The following EIF4G3 variants were observed in gnomAD, a reference collection of about 807,000 sequenced individuals.
EIF4G3 encodes the protein eukaryotic translation initiation factor 4 gamma 3.
Under a neutral mutation model 186.4 loss-of-function variants are expected in EIF4G3, and 34 were observed. That is an observed-to-expected ratio of 0.18 (90% confidence interval 0.14 to 0.24). The LOEUF is 0.24. Among genes scored for constraint, EIF4G3 ranks in the 10% least tolerant of loss-of-function variants. EIF4G3 has a pLI of 1.00. For missense variants in EIF4G3, 1,536 were observed against 1,948.5 expected, an observed-to-expected ratio of 0.79 and a Z score of 3.99; for synonymous variants, 673 against 679.5, an observed-to-expected ratio of 0.99 and a Z score of 0.15.
chr1:21,176,224 G>A lies in EIF4G3; in HGVS notation c.-321C>T. 4.8e-6 allele frequency: 2 copies of A among 419,298 alleles called. No homozygotes were observed. Among genetic ancestry groups the A allele is most frequent in the Non-Finnish European group, 4.1e-6 (1 of 242,102 alleles). 26.0% of individuals were successfully genotyped at this position (419,298 alleles called of 1,614,324 possible). A position where few individuals can be genotyped will look rare whatever the true frequency, so the allele number is the denominator to read the frequency against. Reference sequence around the variant, plus strand: ...GCCCTGATGTTCGGGTGAGGAGGGGGGACCGCTGCCGCCGCCGCCGCCGCC... The same window carrying A: ...GCCCTGATGTTCGGGTGAGGAGGGGAGACCGCTGCCGCCGCCGCCGCCGCC... On this transcript the variant is annotated 5_prime_UTR_variant, in exon 2 of 37. Coordinates refer to ENST00000602326, the MANE Select transcript of EIF4G3 (RefSeq NM_001391906.1).
chr1:21,169,681 C>T (rs1275953063), intron 2 of EIF4G3: 3 of 152,138 alleles, frequency 2.0e-5, no homozygotes, highest in Non-Finnish European at 4.4e-5. Flanking sequence ...ACAACTCAGG[C>T]ACTTCAGATG....
chr1:21,156,693 TC>T (rs1209605167), intron 2 of EIF4G3, among the ~76,000 whole-genome samples: 1 of 152,198 alleles, frequency 6.6e-6, no homozygotes, highest in Admixed American at 6.5e-5. Flanking sequence ...CTATTTTTCT[TC>T]CTTTATGATA....
intron 14 of EIF4G3, among the ~76,000 whole-genome samples, chr1:20,935,408 A>T (rs1045135771): frequency 6.6e-6 from 1 of 152,238 alleles, no homozygotes. Flanking sequence ...TAATACAGTA[A>T]TAGAAAATGA....
intron 25 of EIF4G3, 53 bp downstream of exon 25, chr1:20,857,350 A>C: frequency 7.4e-7 from 1 of 1,357,810 alleles, no homozygotes; most frequent in Non-Finnish European, 1.1e-6. Context: ...GTGTGTTTTA[A>C]TATCAAAGGC....
intron 2 of EIF4G3, among the ~76,000 whole-genome samples, chr1:21,147,194 G>A (rs982677233): frequency 7.9e-5 from 12 of 151,644 alleles, no homozygotes; most frequent in South Asian, 6.3e-4. Context: ...CCCGGGAGGC[G>A]GAGGTTGCAG....
intron 33 of EIF4G3, among the ~76,000 whole-genome samples, chr1:20,819,620 T>TG (rs1278318253): frequency 6.6e-6 from 1 of 151,880 alleles, no homozygotes; most frequent in African/African-American, 2.4e-5. Context: ...CACTTATAGG[T>TG]GGGAGCTAAA....
rs183697234 is a variant in EIF4G3 at position 20,938,814 on chromosome 1, T to C, written c.1663+2677A>G. ...CAGAAATGCTTCTGAGGCTTTATAA[T>C]TTACAAACTGCTGGCCAGGTGTGGT... On this transcript the variant is annotated intron_variant, in intron 14 of 36. Coordinates refer to ENST00000602326, the MANE Select transcript of EIF4G3 (RefSeq NM_001391906.1). Among the ~76,000 whole-genome samples, 7 of 152,168 alleles carry C rather than the reference T, an allele frequency of 4.6e-5. No homozygotes were observed. The East Asian group carries it at 9.7e-4, about 21-fold the overall frequency.
intron 13 of EIF4G3, 37 bp from the exon 14 acceptor site, chr1:20,942,367 G>A (rs1311498831): frequency 1.3e-6 from 2 of 1,525,638 alleles, no homozygotes; most frequent in Non-Finnish European, 1.8e-6. Flanking sequence ...AATAATTCTT[G>A]GATCAGAGAC....
chr1:21,015,741 C>T (rs530391600), intron 4 of EIF4G3, among the ~76,000 whole-genome samples: 2 of 105,952 alleles, frequency 1.9e-5, no homozygotes, highest in South Asian at 7.4e-4. Flanking sequence ...CATTATTCAA[C>T]ATGCTGAAAG....
chr1:20,919,464 C>T (rs918873667), intron 14 of EIF4G3, among the ~76,000 whole-genome samples: 3 of 152,112 alleles, frequency 2.0e-5, no homozygotes, highest in African/African-American at 4.8e-5. Flanking sequence ...CTTGACCTCC[C>T]GTAGTGATGG....
chr1:20,961,008 A>C (rs2096557109), intron 12 of EIF4G3, among the ~76,000 whole-genome samples: 2 of 152,216 alleles, frequency 1.3e-5, no homozygotes, highest in South Asian at 4.1e-4. Context: ...AGAATACACA[A>C]AAATTAAACA....
intron 14 of EIF4G3, chr1:20,941,092 C>T (rs961201384): frequency 3.6e-6 from 3 of 825,870 alleles, no homozygotes; most frequent in Admixed American, 7.4e-5. Context: ...TTAGGATTGA[C>T]TGGGTTTTAA....
At chr1:20,816,367 TG>T (rs374029680) in intron 34 of EIF4G3, among the ~76,000 whole-genome samples, 175 of 7,572 alleles carry the variant, frequency 0.023, 45 homozygotes, top group East Asian at 0.22. Context: ...GGGAGGGAGG[TG>T]GGGGGGTCAG....
intron 34 of EIF4G3, among the ~76,000 whole-genome samples, chr1:20,815,660 C>G (rs1289875581): frequency 7.7e-6 from 1 of 129,538 alleles, no homozygotes; most frequent in Non-Finnish European, 1.7e-5. Flanking sequence ...GGGGGGGGGT[C>G]AGCCCCCCGC....
intron 4 of EIF4G3, among the ~76,000 whole-genome samples, chr1:21,040,300 A>G (rs2154574995): frequency 6.6e-6 from 1 of 152,332 alleles, no homozygotes; most frequent in African/African-American, 2.4e-5. Context: ...ACGTAACCAA[A>G]CACATGGAAG....
intron 16 of EIF4G3, among the ~76,000 whole-genome samples, chr1:20,896,227 G>GT (rs2087955978): frequency 6.6e-6 from 1 of 152,058 alleles, no homozygotes; most frequent in African/African-American, 2.4e-5. Context: ...GAGGCCAAGA[G>GT]TTTGAGACCA....
At chr1:21,168,959 C>T (rs2097908322) in intron 2 of EIF4G3, among the ~76,000 whole-genome samples, 1 of 152,108 alleles carries the variant, frequency 6.6e-6, no homozygotes, top group African/African-American at 2.4e-5. Context: ...GAGCAGGTGG[C>T]TTGAGCCCAA....
intron 10 of EIF4G3, among the ~76,000 whole-genome samples, chr1:20,974,770 G>A (rs1285165323): frequency 6.6e-6 from 1 of 152,110 alleles, no homozygotes; most frequent in African/African-American, 2.4e-5. Context: ...TGTCAATGTG[G>A]GAAAGAAAGA....
At chr1:20,849,986 T>A (rs556642363) in intron 28 of EIF4G3, among the ~76,000 whole-genome samples, 1 of 152,280 alleles carries the variant, frequency 6.6e-6, no homozygotes, top group South Asian at 2.1e-4. Context: ...TTCACACCCA[T>A]CCTTGCCTAC....
Sources: allele counts gnomAD v4.1 joint callset (sites outside exome capture counted in the v4.1 genomes callset), GRCh38; gene constraint gnomAD v4.1.1; transcripts MANE v1.5; gene names NCBI Gene and HGNC (gene_info 2026-07-23, HGNC 2026-07-21).